FAAP20: variants seen among roughly 807,000 people sequenced by gnomAD.
FAAP20 encodes FA core complex associated protein 20.
Under a neutral mutation model 16.2 loss-of-function variants are expected in FAAP20, and 12 were observed. That is an observed-to-expected ratio of 0.74 (90% CI 0.48 to 1.20). FAAP20 has a LOEUF of 1.20. Ranked by LOEUF, FAAP20 falls within the 50% of genes most tolerant of loss-of-function variation. The pLI is 0.00. For missense variants in FAAP20, 288 were observed against 245.8 expected (o/e 1.17, Z -1.15); for synonymous variants, 141 against 110.7 (o/e 1.27, Z -1.72).
rs1688579691 is a variant in FAAP20, at chr1:2,194,097, AC to A, written c.98del (p.Gly33ValfsTer15). 2 of 1,611,046 alleles carry A rather than the reference AC, an allele frequency of 1.2e-6. No individual in the cohort carries two copies. The highest frequency in any genetic ancestry group is 1.7e-6 in the Non-Finnish European group (2 of 1,179,584). On this transcript the variant is annotated frameshift_variant, in exon 2 of 4. Coordinates refer to ENST00000378546, the MANE Select transcript of FAAP20 (RefSeq NM_182533.4). LOFTEE classifies it high-confidence loss of function. Reference protein sequence around the residue: ...SGGRPWFLLGGDERERLWAEL... With the variant: ...SGGRPWFLLGXDERERLWAEL... ...CGGCCCAGAGCCGCTCCCGCTCATC[AC>A]CCCCCAGGAGAAACCAGGGGCGGCC...
intron 3 of FAAP20, chr1:2,192,167 G>A (rs1000440755): frequency 7.2e-5 from 71 of 985,658 alleles, no homozygotes; most frequent in Non-Finnish European, 7.9e-5. Flanking sequence ...GGTCCTGTGC[G>A]GTCAGGAGTC....
downstream of FAAP20, among the ~76,000 whole-genome samples, chr1:2,208,079 G>A (rs897173030): frequency 2.0e-4 from 30 of 152,190 alleles, no homozygotes; most frequent in African/African-American, 7.2e-4. Context: ...TTGGATGCAG[G>A]GTGTTTTCTG....
At chr1:2,197,257 A>T (rs1205328811), upstream of FAAP20, among the ~76,000 whole-genome samples, 1 of 152,172 alleles carries the variant, frequency 6.6e-6, no homozygotes, top group Non-Finnish European at 1.5e-5. Flanking sequence ...AAAGCCAAAC[A>T]CTAGAGCTTT....
At chr1:2,199,550 C>G (rs542698220), upstream of FAAP20, 3 of 985,680 alleles carry the variant, frequency 3.0e-6, no homozygotes, top group Non-Finnish European at 3.6e-6. This position sits in a 1 kb window ranked among gnomAD's most constrained non-coding sequence, Gnocchi z 4.5. Flanking sequence ...ACCAAGGAGC[C>G]GGTCAGGGAG....
chr1:2,200,216 T>C (rs1313397618), upstream of FAAP20: 5 of 148,220 alleles, frequency 3.4e-5, no homozygotes, highest in Admixed American at 2.0e-4. Context: ...AAAGACATCG[T>C]GAAACCCCAT....
At chr1:2,205,111 G>GC (rs34574219) in intron 3 of FAAP20, among the ~76,000 whole-genome samples, 2 of 17,248 alleles carry the variant, frequency 1.2e-4, no homozygotes, top group Non-Finnish European at 2.3e-4. Context: ...CTCAAGCCCC[G>GC]CCCCCCAGGC....
At chr1:2,187,027 C>A, downstream of FAAP20, 1 of 348,874 alleles carries the variant, frequency 2.9e-6, no homozygotes, top group Non-Finnish European at 6.0e-6. Flanking sequence ...GCTCCGGTCA[C>A]GACGGTGTCT....
chr1:2,209,690 G>A (rs1474071682), downstream of FAAP20, among the ~76,000 whole-genome samples: 3 of 152,220 alleles, frequency 2.0e-5, no homozygotes, highest in Non-Finnish European at 4.4e-5. Context: ...AGTTCAGGGG[G>A]GCTGCTTGGT....
rs1035805758 is a variant in FAAP20, at chr1:2,194,091, C to A, written c.105G>T (p.Glu35Asp). ...GTAGCTCGGCCCAGAGCCGCTCCCG[C>A]TCATCACCCCCCAGGAGAAACCAGG... The part of the protein sequence containing the change: ...GRPWFLLGGD[E>D]RERLWAELLR... The change falls in exon 2 of 4, where the codon GAG becomes GAT. Residue 35 changes from glutamate to aspartate, a missense_variant. Physicochemically the swap from Glu to Asp is conservative, Grantham distance 45. Transcript: ENST00000378546. 3 of 1,612,548 alleles carry A rather than the reference C, an allele frequency of 1.9e-6. No homozygotes were observed. Among genetic ancestry groups the A allele is most frequent in the South Asian group, 2.2e-5 (2 of 91,072 alleles).
upstream of FAAP20, chr1:2,198,799 G>A: frequency 7.8e-7 from 1 of 1,289,590 alleles, no homozygotes; most frequent in South Asian, 1.2e-5. Context: ...TTCTGACGCA[G>A]CCAGGAACTG....
downstream of FAAP20, among the ~76,000 whole-genome samples, chr1:2,210,795 C>T (rs1248355992): frequency 6.6e-6 from 1 of 152,244 alleles, no homozygotes; most frequent in Admixed American, 6.5e-5. Context: ...CACCAGTGGC[C>T]ATCCAGCCCC....
At chr1:2,190,742 C>T (rs757594128) in intron 3 of FAAP20, 7 of 303,396 alleles carry the variant, frequency 2.3e-5, no homozygotes, top group South Asian at 5.6e-5. Context: ...ATCCCTCACA[C>T]GCCACTGCTG....
intron 1 of FAAP20, 57 bp downstream of exon 1, chr1:2,194,631 G>T: frequency 9.9e-7 from 1 of 1,009,442 alleles, no homozygotes. Context: ...CGGGGGCGCC[G>T]GGAAGCACGT....
At chr1:2,209,149 G>A (rs561480165), downstream of FAAP20, among the ~76,000 whole-genome samples, 2 of 150,890 alleles carry the variant, frequency 1.3e-5, no homozygotes, top group African/African-American at 4.9e-5. Context: ...CCCCTCCCTC[G>A]CGTCCTCTCT....
At chr1:2,200,922 G>T, upstream of FAAP20, 11 of 1,133,804 alleles carry the variant, frequency 9.7e-6, no homozygotes, top group Non-Finnish European at 1.2e-5. Flanking sequence ...CTGGCTTCTC[G>T]GCTCTGTAGA....
At chr1:2,202,385 C>T (rs961385329), upstream of FAAP20, among the ~76,000 whole-genome samples, 1 of 152,254 alleles carries the variant, frequency 6.6e-6, no homozygotes, top group Non-Finnish European at 1.5e-5. Flanking sequence ...GTTGCCCAGG[C>T]TGGAGTGCAG....
upstream of FAAP20, chr1:2,203,768 C>T (rs566368595): frequency 1.8e-5 from 8 of 443,892 alleles, no homozygotes; most frequent in East Asian, 1.2e-3. Flanking sequence ...CCTCCAGGGA[C>T]CAGCCTGTTC....
At chr1:2,197,886 C>T (rs572421847), upstream of FAAP20, 10 of 1,089,700 alleles carry the variant, frequency 9.2e-6, 1 homozygote, top group African/African-American at 9.9e-5. Flanking sequence ...GGAAGCCTGA[C>T]CCCCAATCCC....
chr1:2,190,111 C>A (rs186277075), intron 3 of FAAP20: 3 of 533,082 alleles, frequency 5.6e-6, no homozygotes, highest in Non-Finnish European at 1.1e-5. Context: ...GGCAGACAGG[C>A]GGCCTGACCC....
Sources: gnomAD v4.1 joint callset for allele counts (sites outside exome capture counted in the v4.1 genomes callset) on GRCh38, gnomAD v4.1.1 for gene constraint, Gnocchi (gnomAD v3.1) non-coding constraint, MANE v1.5 for transcripts, NCBI Gene and HGNC (gene_info 2026-07-23, HGNC 2026-07-21) for gene names.